XRN1: variants seen among roughly 807,000 people sequenced by gnomAD.
XRN1 encodes strand-exchange protein 1 homolog.
A neutral mutation model predicts 222.3 loss-of-function variants in XRN1; 67 were observed. That is an observed-to-expected ratio of 0.30 (90% CI 0.25 to 0.37). The LOEUF is 0.37. XRN1 is among the 10% of genes least tolerant of loss of function. XRN1 has a pLI of 1.00. For synonymous variants in XRN1, 643 were observed against 652.4 expected, an observed-to-expected ratio of 0.99 and a Z score of 0.22; for missense variants, 1,707 against 2,000.2, an observed-to-expected ratio of 0.85 and a Z score of 2.80.
In XRN1 at chr3:142,329,538, G is replaced by A; in HGVS notation, c.4300C>T (p.Pro1434Ser). ...GTGGATACAGGAGGGATCTGGCTGG[G>A]GGCAGGCCAACACATATTGTCCATA... Reference protein sequence around the residue: ...QSMDNMCWPAPSQIPPVSTPV... With the variant: ...QSMDNMCWPASSQIPPVSTPV... The change falls in exon 37 of 41, where the codon CCC becomes TCC. Residue 1434 changes from proline (P) to serine (S), a missense_variant. Around this residue, in one of 2 missense-constraint regions of XRN1, gnomAD observed 473 missense variants for 482.0 expected, o/e 0.98. Coordinates refer to ENST00000392981, the MANE Select transcript of XRN1 (RefSeq NM_001282857.2). 6.2e-7 allele frequency: 1 copy of A among 1,600,966 alleles called. No homozygotes were observed. Among genetic ancestry groups the A allele is most frequent in the Non-Finnish European group, 8.5e-7 (1 of 1,175,376 alleles).
chr3:142,434,871 C>A (rs889052930), intron 1 of XRN1: 2 of 151,792 alleles, frequency 1.3e-5, no homozygotes, highest in African/African-American at 4.8e-5. Flanking sequence ...CCATCTTACG[C>A]TAAAACAAAA....
In XRN1 at chr3:142,329,881, C is replaced by T. The variant is rs1198904668; in HGVS notation, c.4223-266G>A. Among the ~76,000 whole-genome samples, 6 of 152,128 alleles carry T rather than the reference C, an allele frequency of 3.9e-5. No individual in the cohort carries two copies. In the South Asian group the frequency reaches 8.3e-4, roughly 21 times the overall value. ...TGGCCACGCACCTTATAAATTTGGT[C>T]GAAAACCTTGAAAAATTCAGTTAGA... On this transcript the variant is annotated intron_variant, in intron 36 of 40. Coordinates refer to ENST00000392981, the MANE Select transcript of XRN1 (RefSeq NM_001282857.2).
At chr3:142,445,898 T>C (rs1445041999) in intron 1 of XRN1, among the ~76,000 whole-genome samples, 1 of 152,222 alleles carries the variant, frequency 6.6e-6, no homozygotes. Flanking sequence ...CAGCACAGTC[T>C]TTTAGTGGAT....
In XRN1 at chr3:142,379,994, AAAT is replaced by A; in HGVS notation, c.2715+85_2715+87del. ...TAATCATTATTAAATAAAATATCTG[AAAT>A]AAATTCAAAGGAGGTGGCAAAAATA... On this transcript the variant is annotated intron_variant, in intron 23 of 40. Transcript: ENST00000392981. The A allele has an allele frequency of 3.2e-6, 3 of 938,264 alleles. No homozygotes were observed. The South Asian group carries it at 6.0e-5, about 19-fold the overall frequency. The allele number at this position is 938,264 out of a possible 1,614,324, so 58.1% of individuals were successfully genotyped here. A position where few individuals can be genotyped will look rare whatever the true frequency, so the allele number is the denominator to read the frequency against.
At chr3:142,429,395 G>A (rs917087343) in intron 2 of XRN1, among the ~76,000 whole-genome samples, 7 of 152,104 alleles carry the variant, frequency 4.6e-5, no homozygotes, top group East Asian at 3.9e-4. Context: ...TGATCCACCC[G>A]CCTGGGCCTC....
intron 23 of XRN1, among the ~76,000 whole-genome samples, chr3:142,377,359 A>G (rs572742163): frequency 1.3e-5 from 2 of 152,300 alleles, no homozygotes; most frequent in South Asian, 2.1e-4. Flanking sequence ...TAAGAACATA[A>G]TCAGATTTAG....
At chr3:142,426,602 A>T (rs2069260458) in intron 3 of XRN1, 142 bp downstream of exon 3, 2 of 723,290 alleles carry the variant, frequency 2.8e-6, no homozygotes, top group Non-Finnish European at 4.4e-6. Context: ...AAATCGTCTC[A>T]TGAGCAAACA....
rs547779934 is a variant in XRN1 at position 142,332,912 on chromosome 3, C to G, written c.4062+55G>C. The G allele has an allele frequency of 4.4e-6, 7 of 1,597,576 alleles. No homozygotes were observed. In the African/African-American group the frequency reaches 9.4e-5, roughly 21 times the overall value. On this transcript the variant is annotated intron_variant, in intron 35 of 40. Transcript: ENST00000392981. ...TGAACACTTGCATGGGATATGTCTG[C>G]ATGGTCAACAGTCGAGAAATTACCA... is the stretch of plus-strand genomic sequence containing the variant.
At position 142,432,830 on chromosome 3, in the gene XRN1, T is replaced by C. The variant is rs1251670465; in HGVS notation, c.139A>G (p.Asn47Asp). 1 of 1,613,820 alleles carries C rather than the reference T, an allele frequency of 6.2e-7. No homozygotes were observed. The highest frequency in any genetic ancestry group is 1.3e-5 in the African/African-American group (1 of 74,866). ...ATTCTAAAGTGAACATCATCATCAT[T>C]AGGATGGGAGCACTGATGTATAATT... ...NGIIHQCSHP[N>D]DDDVHFRISD... Residue 47 changes from asparagine (N) to aspartate (D), a missense_variant, in exon 2 of 41, where the codon AAT becomes GAT. Coordinates refer to ENST00000392981, the MANE Select transcript of XRN1 (RefSeq NM_001282857.2).
intron 20 of XRN1, among the ~76,000 whole-genome samples, chr3:142,391,972 A>G (rs1422747387): frequency 6.6e-6 from 1 of 151,694 alleles, no homozygotes; most frequent in Non-Finnish European, 1.5e-5. Context: ...CACTTTCTCC[A>G]TGATGTCCTA....
intron 34 of XRN1, among the ~76,000 whole-genome samples, chr3:142,333,474 TAAGAA>T (rs1403830041): frequency 2.0e-5 from 3 of 152,190 alleles, no homozygotes; most frequent in African/African-American, 4.8e-5. Flanking sequence ...TTTTGTATCA[TAAGAA>T]AAGGGGCCTA....
At chr3:142,446,903 C>T (rs2108228231) in intron 1 of XRN1, among the ~76,000 whole-genome samples, 1 of 152,200 alleles carries the variant, frequency 6.6e-6, no homozygotes, top group East Asian at 1.9e-4. Context: ...TCGTAAATGC[C>T]GATTAAACCA....
At chr3:142,404,037 CA>C (rs2068246849) in intron 16 of XRN1, 48 bp from the exon 17 acceptor site, 3 of 1,445,474 alleles carry the variant, frequency 2.1e-6, no homozygotes, top group Non-Finnish European at 2.9e-6. Context: ...ACATTACAAA[CA>C]ATTACAGTTT....
At chr3:142,439,388 C>T (rs2070090966) in intron 1 of XRN1, among the ~76,000 whole-genome samples, 1 of 152,120 alleles carries the variant, frequency 6.6e-6, no homozygotes, top group Non-Finnish European at 1.5e-5. Flanking sequence ...AGAATCAGAA[C>T]ATGGAGATTG....
intron 1 of XRN1, among the ~76,000 whole-genome samples, chr3:142,440,208 C>T (rs866919457): frequency 7.9e-5 from 12 of 152,076 alleles, no homozygotes; most frequent in Admixed American, 1.3e-4. Flanking sequence ...TGTCACTATC[C>T]GAGGGGTCCT....
At chr3:142,352,772 T>G (rs1323075790) in intron 32 of XRN1, among the ~76,000 whole-genome samples, 1 of 152,190 alleles carries the variant, frequency 6.6e-6, no homozygotes, top group Non-Finnish European at 1.5e-5. Context: ...TCTGAGTAGC[T>G]GGGACTACAC....
chr3:142,403,786 CAA>C lies in XRN1; in HGVS notation c.2005-16_2005-15del. On this transcript the variant is annotated splice_polypyrimidine_tract_variant and intron_variant, in intron 17 of 40. Coordinates refer to ENST00000392981, the MANE Select transcript of XRN1 (RefSeq NM_001282857.2). ...CTTCAAAAAAAACTTTAAAAGAATTCAAATAATTTAATTTTAATTCTTTCTCC... is the reference window on the plus strand; with the variant it reads ...CTTCAAAAAAAACTTTAAAAGAATTCATAATTTAATTTTAATTCTTTCTCC... The C allele has an allele frequency of 1.2e-6, 2 of 1,610,234 alleles. No individual in the cohort carries two copies. Among genetic ancestry groups the C allele is most frequent in the Non-Finnish European group, 1.7e-6 (2 of 1,177,702 alleles).
chr3:142,418,695 G>C (rs981094506), intron 11 of XRN1, 86 bp from the exon 12 acceptor site: 6 of 1,417,594 alleles, frequency 4.2e-6, no homozygotes, highest in African/African-American at 2.9e-5. Flanking sequence ...GCATATCCAA[G>C]TTGATGCTTA....
intron 10 of XRN1, among the ~76,000 whole-genome samples, chr3:142,419,531 C>T (rs765317965): frequency 3.3e-5 from 5 of 152,078 alleles, no homozygotes; most frequent in South Asian, 2.1e-4. Flanking sequence ...GAATCTTGGC[C>T]GGGCACGGTG....
Sources: allele counts gnomAD v4.1 joint callset (sites outside exome capture counted in the v4.1 genomes callset), GRCh38; gene constraint gnomAD v4.1.1; regional missense constraint gnomAD v4.1.1; transcripts MANE v1.5; gene names NCBI Gene and HGNC (gene_info 2026-07-23, HGNC 2026-07-21).